ZNF799: variants seen among roughly 807,000 people sequenced by gnomAD.
ZNF799 encodes the protein zinc finger protein 799, also known as zinc finger protein 14.
In ZNF799, 28 loss-of-function variants were observed where a neutral mutation model predicts 41.0. The ratio of observed to expected loss-of-function variants is 0.68; its 90% CI spans 0.51 to 0.94. The LOEUF is 0.94. Among genes scored for constraint, ZNF799 ranks in the 40% least tolerant of loss-of-function variants. The probability of loss-of-function intolerance (pLI) is 0.00; values close to 1 mark genes in which losing one functional copy is unlikely to be tolerated. For synonymous variants in ZNF799, 213 were observed against 252.9 expected (o/e 0.84, Z 1.50); for missense variants, 716 against 764.3 (o/e 0.94, Z 0.74).
chr19:12,394,859 C>T (rs1465643537), intron 1 of ZNF799: 2 of 985,010 alleles, frequency 2.0e-6, no homozygotes, highest in African/African-American at 3.5e-5. Context: ...ATTCCAAAAA[C>T]AAATAAAGGA....
At chr19:12,412,432 A>G in the ZNF799 span, among the ~76,000 whole-genome samples, 25 of 149,856 alleles carry the variant, frequency 1.7e-4, 1 homozygote, top group African/African-American at 5.8e-4. Flanking sequence ...TGCCTTTTCT[A>G]TGTCGCACCT....
upstream of ZNF799, among the ~76,000 whole-genome samples, chr19:12,404,358 G>A (rs538043664): frequency 6.6e-6 from 1 of 152,212 alleles, no homozygotes; most frequent in East Asian, 1.9e-4. Flanking sequence ...TTACTGTCTG[G>A]AAGATCTGTC....
chr19:12,393,522 C>G (rs1969856231), intron 1 of ZNF799, 99 bp from the exon 2 acceptor site: 1 of 1,298,046 alleles, frequency 7.7e-7, no homozygotes, highest in African/African-American at 1.6e-5. Context: ...TGGTTTCCAA[C>G]CATTTTATTC....
chr19:12,397,187 A>G (rs1182065019), intron 1 of ZNF799, among the ~76,000 whole-genome samples: 1 of 152,190 alleles, frequency 6.6e-6, no homozygotes, highest in Non-Finnish European at 1.5e-5. Context: ...AAGCCAGTAC[A>G]GTGTTACTTA....
At chr19:12,414,243 T>G in the ZNF799 span, among the ~76,000 whole-genome samples, 1 of 152,118 alleles carries the variant, frequency 6.6e-6, no homozygotes, top group Non-Finnish European at 1.5e-5. Context: ...AGAAGGTATC[T>G]CTTGGTGCTG....
intron 1 of ZNF799, among the ~76,000 whole-genome samples, chr19:12,395,948 A>G (rs1436094860): frequency 1.0e-3 from 149 of 147,934 alleles, no homozygotes; most frequent in South Asian, 4.8e-3. Context: ...CACACACTAA[A>G]GAACAGAGAT....
rs573466052 is a variant in ZNF799, at chr19:12,390,054, C to T, written c.*412G>A. ...AAAGAAACTTTAATGTTCTGGCTGA[C>T]TATACTATGTTGATAGGCTGACAAT... is the stretch of plus-strand genomic sequence containing the variant. On this transcript the variant is annotated 3_prime_UTR_variant, in exon 4 of 4. Coordinates refer to ENST00000430385, the MANE Select transcript of ZNF799 (RefSeq NM_001080821.3). 4.1e-5 allele frequency: 9 copies of T among 220,040 alleles called. No individual in the cohort carries two copies. The South Asian group carries it at 6.6e-4, about 16-fold the overall frequency. The allele number at this position is 220,040 out of a possible 1,614,324, so 13.6% of individuals were successfully genotyped here.
the ZNF799 span, among the ~76,000 whole-genome samples, chr19:12,409,295 T>A: frequency 6.6e-6 from 1 of 152,170 alleles, no homozygotes; most frequent in Non-Finnish European, 1.5e-5. Context: ...GTGCAGGCGG[T>A]AATGCTTACT....
chr19:12,392,732 T>A (rs951747471), intron 2 of ZNF799, 69 bp from the exon 3 acceptor site: 2 of 1,257,402 alleles, frequency 1.6e-6, no homozygotes, highest in Non-Finnish European at 2.3e-6. Flanking sequence ...AACATTTTGA[T>A]GTACACTGCA....
chr19:12,394,599 GAA>G, intron 1 of ZNF799: 2 of 985,316 alleles, frequency 2.0e-6, no homozygotes, highest in Non-Finnish European at 2.4e-6. Context: ...AACAGACTGA[GAA>G]AAGATATTAC....
intron 1 of ZNF799, among the ~76,000 whole-genome samples, chr19:12,395,826 GC>G (rs1969887507): frequency 6.6e-6 from 1 of 152,246 alleles, no homozygotes; most frequent in Non-Finnish European, 1.5e-5. Flanking sequence ...TTCAAGGGAT[GC>G]CCCAGGCACA....
Position 12,401,183 on chromosome 19 carries a change from C to T in ZNF799, c.-113G>A. On this transcript the variant is annotated 5_prime_UTR_variant, in exon 1 of 4. Transcript: ENST00000430385. The stretch of plus-strand genomic sequence containing the variant: ...CCAGGTCGTCTCTTAGCTACAGAGC[C>T]GAGCACCGAGCGCCCAGCGCAGGTG... 3 of 1,586,946 alleles carry T rather than the reference C, an allele frequency of 1.9e-6. No homozygotes were observed. The highest frequency in any genetic ancestry group is 4.5e-5 in the East Asian group (2 of 44,586).
At chr19:12,414,056 C>T in the ZNF799 span, among the ~76,000 whole-genome samples, 2 of 152,160 alleles carry the variant, frequency 1.3e-5, no homozygotes, top group Non-Finnish European at 2.9e-5. Flanking sequence ...ACTTTCAGGG[C>T]GTCTCTTAGC....
At chr19:12,395,439 G>C (rs899903043) in intron 1 of ZNF799, among the ~76,000 whole-genome samples, 5 of 152,146 alleles carry the variant, frequency 3.3e-5, no homozygotes, top group African/African-American at 1.2e-4. Flanking sequence ...ACAGTGCCCA[G>C]CCAAGGCCCT....
At position 12,390,494 on chromosome 19, in the gene ZNF799, G is replaced by A; in HGVS notation, c.1904C>T (p.Ser635Phe). Residue 635 changes from serine (S) to phenylalanine (F), a missense_variant, in exon 4 of 4, where the codon TCC becomes TTC. Around this residue, in one of 2 missense-constraint regions of ZNF799, gnomAD observed 698 missense variants for 713.6 expected, o/e 0.98. Transcript: ENST00000430385. ...GTGAGTCTTTTTATGTCTATGCAAG[G>A]AACTGAGAGAAGCAAATGCTTTCCC... is the stretch of plus-strand genomic sequence containing the variant. ...ECGKAFASLS[S>F]LHRHKKTH is the part of the protein sequence containing the mutation. The A allele has an allele frequency of 6.2e-7, 1 of 1,613,828 alleles. No homozygotes were observed. Among genetic ancestry groups the A allele is most frequent in the Non-Finnish European group, 8.5e-7 (1 of 1,179,852 alleles).
At chr19:12,402,118 G>A (rs1201739103), upstream of ZNF799, among the ~76,000 whole-genome samples, 1 of 152,238 alleles carries the variant, frequency 6.6e-6, no homozygotes, top group Non-Finnish European at 1.5e-5. Context: ...TTGCTCTGTT[G>A]CCTAGGCTGG....
At chr19:12,400,520 C>T (rs552842102) in intron 1 of ZNF799, 10 of 162,732 alleles carry the variant, frequency 6.1e-5, no homozygotes, top group African/African-American at 2.2e-4. Flanking sequence ...TTCTCAGATC[C>T]TGAATCCCAG....
chr19:12,392,466 A>G (rs1969839840), intron 3 of ZNF799, 137 bp downstream of exon 3: 5 of 831,556 alleles, frequency 6.0e-6, no homozygotes, highest in Non-Finnish European at 9.6e-6. Flanking sequence ...ACATTTAAGT[A>G]TATATTTTGG....
Position 12,391,415 on chromosome 19 carries a change from A to G in ZNF799, c.983T>C (p.Met328Thr). The G allele has an allele frequency of 1.9e-6, 3 of 1,613,956 alleles. No homozygotes were observed. The highest frequency in any genetic ancestry group is 1.7e-5 in the Admixed American group (1 of 59,992). Residue 328 changes from methionine (M) to threonine (T), a missense_variant, in exon 4 of 4, where the codon ATG (methionine) becomes ACG (threonine). Met to Thr is a moderately conservative substitution (Grantham distance 81). Coordinates refer to ENST00000430385, the MANE Select transcript of ZNF799 (RefSeq NM_001080821.3). The part of the protein sequence containing the change: ...FHHLGSFQRH[M>T]VMHTRDGPHK... ...AGGTCCATCTCTCGTGTGCATTACC[A>G]TGTGTCTTTGAAAGCTTCCCAGATG...
Sources: allele counts gnomAD v4.1 joint callset (sites outside exome capture counted in the v4.1 genomes callset), GRCh38; gene constraint gnomAD v4.1.1; regional missense constraint gnomAD v4.1.1; transcripts MANE v1.5; gene names NCBI Gene and HGNC (gene_info 2026-07-23, HGNC 2026-07-21).